Variants in NKX1-1 observed in about 807,000 individuals in gnomAD.
NKX1-1 encodes the protein NK1 transcription factor-related protein 1.
A neutral mutation model predicts 1.7 loss-of-function variants in NKX1-1; 7 were observed. That is an observed-to-expected ratio of 4.22 (90% CI 2.40 to 7.92). The LOEUF (loss-of-function observed/expected upper bound fraction) is 7.92, where lower values mean the gene tolerates loss of function less well. Among genes scored for constraint, NKX1-1 ranks in the 30% most tolerant of loss-of-function variants. The pLI is 0.00. For missense variants in NKX1-1, 453 were observed against 171.5 expected (o/e 2.64, Z -9.17); for synonymous variants, 242 against 85.3 (o/e 2.84, Z -10.13).
chr4:1,405,979 C>A lies in NKX1-1; in HGVS notation c.463+1G>T. On this transcript the variant is annotated splice_donor_variant, in intron 1 of 1. Coordinates refer to ENST00000422806, the MANE Select transcript of NKX1-1 (RefSeq NM_001290079.1). LOFTEE classifies it high-confidence loss of function. The stretch of plus-strand genomic sequence containing the variant: ...CCTGGTGCCGGGCGCATCCTACTCA[C>A]TCGGCGGCTCAGCTCCGGCGGCTCC... The A allele has an allele frequency of 2.2e-6, 1 of 463,698 alleles. No individual in the cohort carries two copies. Among genetic ancestry groups the A allele is most frequent in the Non-Finnish European group, 3.7e-6 (1 of 267,346 alleles). 28.7% of individuals were successfully genotyped at this position (463,698 alleles called of 1,614,324 possible).
At chr4:1,405,087 CTCAGCCGGATTTGT>C (rs1198372212) in intron 1 of NKX1-1, among the ~76,000 whole-genome samples, 4 of 152,246 alleles carry the variant, frequency 2.6e-5, no homozygotes, top group Non-Finnish European at 5.9e-5. Context: ...GTCCCCTCCA[CTCAGCCGGATTTGT>C]TCGCCCTCCA....
Position 1,403,706 on chromosome 4 carries a change from G to C in NKX1-1, c.573C>G (p.Pro191=), listed in dbSNP as rs762170546. The stretch of plus-strand genomic sequence containing the variant: ...CGTCCTCGTCGTCGTCCTCGTCGTC[G>C]GGAACCTCGTCCCCGCTGTCCGCGC... ...SPSADSGDEV[P]DDEDDDEDEA... is the part of the protein sequence containing the mutation. Residue 191 remains proline (P), a synonymous_variant, in exon 2 of 2, where the codon CCC becomes CCG. Coordinates refer to ENST00000422806, the MANE Select transcript of NKX1-1 (RefSeq NM_001290079.1). 7.3e-6 allele frequency: 5 copies of C among 686,992 alleles called. No individual in the cohort carries two copies. Among genetic ancestry groups the C allele is most frequent in the Non-Finnish European group, 1.3e-5 (5 of 381,828 alleles). The allele number at this position is 686,992 out of a possible 1,614,324, so 42.6% of individuals were successfully genotyped here. A position where few individuals can be genotyped will look rare whatever the true frequency, so the allele number is the denominator to read the frequency against.
Position 1,403,457 on chromosome 4 carries a change from C to T in NKX1-1, c.822G>A (p.Gln274=). ...AAPGGAGTTP[Q]GTATAAKPKR... ...TGGGCTTCGCCGCCGTCGCCGTGCC[C>T]TGCGGGGTGGTCCCCGCGCCCCCCG... Residue 274 remains glutamine, a synonymous_variant, in exon 2 of 2, where the codon CAG becomes CAA. Transcript: ENST00000422806. The T allele has an allele frequency of 1.6e-6, 1 of 619,352 alleles. No homozygotes were observed. Among genetic ancestry groups the T allele is most frequent in the Non-Finnish European group, 2.9e-6 (1 of 346,260 alleles). The allele number at this position is 619,352 out of a possible 1,614,324, so 38.4% of individuals were successfully genotyped here.
chr4:1,403,330 C>A lies in NKX1-1; in HGVS notation c.949G>T (p.Ala317Ser), dbSNP rs1213530078. ...TCGCACACCGACAGGTAGCGCGTGG[C>A]CTTGAACTTGTTCTCCAGCGCCACG... ...QLVALENKFK[A>S]TRYLSVCERL... Residue 317 changes from alanine (A) to serine (S), a missense_variant, in exon 2 of 2, where the codon GCC (alanine) becomes TCC (serine). Physicochemically the swap from Ala to Ser is moderately conservative, Grantham distance 99. Transcript: ENST00000422806. The A allele has an allele frequency of 1.4e-6, 1 of 725,810 alleles. No homozygotes were observed. The allele number at this position is 725,810 out of a possible 1,614,324, so 45.0% of individuals were successfully genotyped here.
At chr4:1,405,706 C>A (rs1473645558) in intron 1 of NKX1-1, among the ~76,000 whole-genome samples, 1 of 152,212 alleles carries the variant, frequency 6.6e-6, no homozygotes, top group Non-Finnish European at 1.5e-5. Flanking sequence ...AGGCCGGAGA[C>A]GCGCGGAGGC....
chr4:1,405,125 G>A (rs1678665209), intron 1 of NKX1-1, among the ~76,000 whole-genome samples: 1 of 152,174 alleles, frequency 6.6e-6, no homozygotes, highest in South Asian at 2.1e-4. Context: ...CGGCCGACCC[G>A]GAAGAGGCCC....
At position 1,402,978 on chromosome 4, in the gene NKX1-1, C is replaced by T; in HGVS notation, c.1301G>A (p.Gly434Asp). 4.5e-6 allele frequency: 3 copies of T among 663,394 alleles called. No homozygotes were observed. Among genetic ancestry groups the T allele is most frequent in the East Asian group, 3.2e-5 (1 of 31,532 alleles). 41.1% of individuals were successfully genotyped at this position (663,394 alleles called of 1,614,324 possible). A position where few individuals can be genotyped will look rare whatever the true frequency, so the allele number is the denominator to read the frequency against. ...SPAVLSPFVL[G>D]SQTYGAPAFY... ...GGCGGGCGCCCCGTAGGTCTGCGAG[C>T]CCAGCACGAAGGGCGAGAGCACCGC... Residue 434 changes from glycine to aspartate, a missense_variant, in exon 2 of 2, where the codon GGC becomes GAC. Coordinates refer to ENST00000422806, the MANE Select transcript of NKX1-1 (RefSeq NM_001290079.1).
rs1429555572 is a variant in NKX1-1 at position 1,403,750 on chromosome 4, C to CGCCGCT, written c.523_528dup (p.Ser175_Gly176dup). 4 of 683,994 alleles carry CGCCGCT rather than the reference C, an allele frequency of 5.8e-6. No individual in the cohort carries two copies. The highest frequency in any genetic ancestry group is 7.9e-6 in the Non-Finnish European group (3 of 377,712). The allele number at this position is 683,994 out of a possible 1,614,324, so 42.4% of individuals were successfully genotyped here. A position where few individuals can be genotyped will look rare whatever the true frequency, so the allele number is the denominator to read the frequency against. ...TCCGCGCTCGGGCTGTGGCCGCCGC[C>CGCCGCT]GCCGCTGCTGTAGCCGTTGGTGTCG... On this transcript the variant is annotated inframe_insertion, in exon 2 of 2. Coordinates refer to ENST00000422806, the MANE Select transcript of NKX1-1 (RefSeq NM_001290079.1).
rs1191765976 is a variant in NKX1-1, at chr4:1,406,247, C to T, written c.196G>A (p.Glu66Lys). The part of the protein sequence containing the change: ...AASDTVPAAP[E>K]GAGAARPAAP... The stretch of plus-strand genomic sequence containing the variant: ...GCGGGCCGGGCCGCTCCAGCCCCCT[C>T]GGGCGCCGCAGGCACAGTGTCGCTG... Residue 66 changes from glutamate to lysine, a missense_variant, in exon 1 of 2, where the codon GAG (glutamate) becomes AAG (lysine). Physicochemically the swap from Glu to Lys is moderately conservative, Grantham distance 56. Transcript: ENST00000422806. 10 of 478,226 alleles carry T rather than the reference C, an allele frequency of 2.1e-5. No individual in the cohort carries two copies. The highest frequency in any genetic ancestry group is 3.3e-5 in the Non-Finnish European group (9 of 274,352). 29.6% of individuals were successfully genotyped at this position (478,226 alleles called of 1,614,324 possible).
chr4:1,406,252 G>T lies in NKX1-1; in HGVS notation c.191C>A (p.Ala64Glu). 1 of 474,156 alleles carries T rather than the reference G, an allele frequency of 2.1e-6. No homozygotes were observed. The highest frequency in any genetic ancestry group is 3.7e-6 in the Non-Finnish European group (1 of 272,224). 29.4% of individuals were successfully genotyped at this position (474,156 alleles called of 1,614,324 possible). Residue 64 changes from alanine to glutamate, a missense_variant, in exon 1 of 2, where the codon GCG (alanine) becomes GAG (glutamate). Coordinates refer to ENST00000422806, the MANE Select transcript of NKX1-1 (RefSeq NM_001290079.1). ...CCGGGCCGCTCCAGCCCCCTCGGGC[G>T]CCGCAGGCACAGTGTCGCTGGCCGC... ...PLAASDTVPA[A>E]PEGAGAARPA... is the part of the protein sequence containing the mutation.
chr4:1,404,695 G>A (rs1720720880), intron 1 of NKX1-1, among the ~76,000 whole-genome samples: 1 of 152,270 alleles, frequency 6.6e-6, no homozygotes, highest in Non-Finnish European at 1.5e-5. Context: ...CCCCGGCACT[G>A]GGGGCCTAAG....
At position 1,403,567 on chromosome 4, in the gene NKX1-1, CG is replaced by C; in HGVS notation, c.711del (p.Gly238GlufsTer103). On this transcript the variant is annotated frameshift_variant, in exon 2 of 2. Coordinates refer to ENST00000422806, the MANE Select transcript of NKX1-1 (RefSeq NM_001290079.1). LOFTEE classifies it low-confidence loss of function (END_TRUNC). ...CQGAAETDAS[P>X]GATVDEAAAP... ...GCCGCTGCCTCGTCGACGGTGGCTC[CG>C]GGGGACGCGTCGGTCTCAGCCGCGC... The C allele has an allele frequency of 2.2e-6, 1 of 453,302 alleles. No homozygotes were observed. The highest frequency in any genetic ancestry group is 4.8e-5 in the South Asian group (1 of 20,784). The allele number at this position is 453,302 out of a possible 1,614,324, so 28.1% of individuals were successfully genotyped here. A position where few individuals can be genotyped will look rare whatever the true frequency, so the allele number is the denominator to read the frequency against.
chr4:1,404,685 C>T (rs1045633930), intron 1 of NKX1-1, among the ~76,000 whole-genome samples: 1 of 152,270 alleles, frequency 6.6e-6, no homozygotes, highest in Admixed American at 6.5e-5. Flanking sequence ...GTCGCCTATG[C>T]CCCGGCACTG....
Position 1,403,612 on chromosome 4 carries a change from G to C in NKX1-1, c.667C>G (p.Arg223Gly), listed in dbSNP as rs1385132516. ...ARGGGGGLGA[R>G]GSGCQGAAET... ...GCCGCGCCCTGGCAACCCGACCCGC[G>C]GGCCCCGAGGCCGCCGCCGCCTCCC... Residue 223 changes from arginine (R) to glycine (G), a missense_variant, in exon 2 of 2, where the codon CGC (arginine) becomes GGC (glycine). Physicochemically the swap from Arg to Gly is moderately radical, Grantham distance 125. Transcript: ENST00000422806. 1 of 484,810 alleles carries C rather than the reference G, an allele frequency of 2.1e-6. No individual in the cohort carries two copies. Among genetic ancestry groups the C allele is most frequent in the Non-Finnish European group, 3.6e-6 (1 of 281,598 alleles). The allele number at this position is 484,810 out of a possible 1,614,324, so 30.0% of individuals were successfully genotyped here.
chr4:1,403,650 G>A lies in NKX1-1; in HGVS notation c.629C>T (p.Ala210Val), dbSNP rs762613245. 8.3e-6 allele frequency: 5 copies of A among 605,504 alleles called. No individual in the cohort carries two copies. Among genetic ancestry groups the A allele is most frequent in the South Asian group, 3.7e-5 (2 of 54,602 alleles). The allele number at this position is 605,504 out of a possible 1,614,324, so 37.5% of individuals were successfully genotyped here. ...GCCGCCGCCTCCCCGCGCCTCCTCC[G>A]CGCCTCGCGCCGCCTCCGTCTCGGG... ...EAPETEAARG[A>V]EEARGGGGGL... Residue 210 changes from alanine to valine, a missense_variant, in exon 2 of 2, where the codon GCG becomes GTG. Ala to Val is a moderately conservative substitution (Grantham distance 64). Coordinates refer to ENST00000422806, the MANE Select transcript of NKX1-1 (RefSeq NM_001290079.1).
chr4:1,406,023 G>A lies in NKX1-1; in HGVS notation c.420C>T (p.Leu140=), dbSNP rs1390599312. 6.3e-6 allele frequency: 3 copies of A among 476,784 alleles called. No homozygotes were observed. The highest frequency in any genetic ancestry group is 2.0e-5 in the African/African-American group (1 of 49,046). The allele number at this position is 476,784 out of a possible 1,614,324, so 29.5% of individuals were successfully genotyped here. A position where few individuals can be genotyped will look rare whatever the true frequency, so the allele number is the denominator to read the frequency against. Residue 140 remains leucine (L), a synonymous_variant, in exon 1 of 2, where the codon CTC becomes CTT. Coordinates refer to ENST00000422806, the MANE Select transcript of NKX1-1 (RefSeq NM_001290079.1). ...CGGCTCCGACTCCCCCGGCGCCGGC[G>A]AGGGCGCGGCGCTCCAGCTCCTCCG... ...PRAEELERRA[L]AGAGGVGAAG...
chr4:1,406,206 G>T lies in NKX1-1; in HGVS notation c.237C>A (p.Pro79=). ...GGATGTCCAGTACCGAGAAGGAGGT[G>T]GGGCGCAGGGGCGCTGCGGGCCGGG... The part of the protein sequence containing the change: ...GAARPAAPLR[P]TSFSVLDILD... Residue 79 remains proline (P), a synonymous_variant, in exon 1 of 2, where the codon CCC becomes CCA. Transcript: ENST00000422806. The T allele has an allele frequency of 1.8e-6, 1 of 568,926 alleles. No homozygotes were observed. The highest frequency in any genetic ancestry group is 3.1e-6 in the Non-Finnish European group (1 of 319,904). 35.2% of individuals were successfully genotyped at this position (568,926 alleles called of 1,614,324 possible).
Position 1,403,733 on chromosome 4 carries a change from C to T in NKX1-1, c.546G>A (p.Pro182=), listed in dbSNP as rs780471077. 1 of 685,546 alleles carries T rather than the reference C, an allele frequency of 1.5e-6. No individual in the cohort carries two copies. Among genetic ancestry groups the T allele is most frequent in the Non-Finnish European group, 2.6e-6 (1 of 379,506 alleles). The allele number at this position is 685,546 out of a possible 1,614,324, so 42.5% of individuals were successfully genotyped here. Residue 182 remains proline, a synonymous_variant, in exon 2 of 2, where the codon CCG becomes CCA. Transcript: ENST00000422806. ...GYSSGGGGHS[P]SADSGDEVPD... The stretch of plus-strand genomic sequence containing the variant: ...GAACCTCGTCCCCGCTGTCCGCGCT[C>T]GGGCTGTGGCCGCCGCCGCCGCTGC...
rs750632592 is a variant in NKX1-1, at chr4:1,403,731, C to G, written c.548G>C (p.Ser183Thr). The G allele has an allele frequency of 4.1e-5, 28 of 687,304 alleles. No homozygotes were observed. The South Asian group carries it at 4.2e-4, about 10-fold the overall frequency. 42.6% of individuals were successfully genotyped at this position (687,304 alleles called of 1,614,324 possible). Reference sequence around the variant, plus strand: ...GGGAACCTCGTCCCCGCTGTCCGCGCTCGGGCTGTGGCCGCCGCCGCCGCT... The same window carrying G: ...GGGAACCTCGTCCCCGCTGTCCGCGGTCGGGCTGTGGCCGCCGCCGCCGCT... ...YSSGGGGHSP[S>T]ADSGDEVPDD... Residue 183 changes from serine to threonine, a missense_variant, in exon 2 of 2, where the codon AGC becomes ACC. By Grantham distance (58) the Ser-to-Thr change is moderately conservative. Transcript: ENST00000422806.
Sources: gnomAD v4.1 joint callset for allele counts (sites outside exome capture counted in the v4.1 genomes callset) on GRCh38, gnomAD v4.1.1 for gene constraint, MANE v1.5 for transcripts, NCBI Gene and HGNC (gene_info 2026-07-23, HGNC 2026-07-21) for gene names.